Variants in MALRD1 observed in about 807,000 individuals in gnomAD.
MALRD1 encodes MAM and LDL-receptor class A domain-containing protein 1.
Under a neutral mutation model 242.1 loss-of-function variants are expected in MALRD1, and 247 were observed. The observed-to-expected ratio is 1.02, with a 90% CI of 0.92 to 1.13. The LOEUF is 1.13. Among genes scored for constraint, MALRD1 ranks in the 50% most tolerant of loss-of-function variants. The probability of loss-of-function intolerance (pLI) is 0.00; values close to 1 mark genes in which losing one functional copy is unlikely to be tolerated. For synonymous variants in MALRD1, 995 were observed against 866.6 expected, an observed-to-expected ratio of 1.15 and a Z score of -2.60; for missense variants, 2,989 against 2,533.1, an observed-to-expected ratio of 1.18 and a Z score of -3.86.
At chr10:19,265,089 G>A (rs527491528) in intron 19 of MALRD1, among the ~76,000 whole-genome samples, 8 of 151,908 alleles carry the variant, frequency 5.3e-5, no homozygotes, top group Non-Finnish European at 8.8e-5. Context: ...GGCATCAGTT[G>A]TAATGTCTGT....
At position 19,327,616 on chromosome 10, in the gene MALRD1, G is replaced by C; in HGVS notation, c.3630G>C (p.Gln1210His). ...VTSKLWAQTG[Q>H]QGAQWKRAEV... ...CTAAATTGTGGGCTCAAACTGGACAGCAAGGTGCACAGTGGAAGAGAGCAG... is the reference window on the plus strand; with the variant it reads ...CTAAATTGTGGGCTCAAACTGGACACCAAGGTGCACAGTGGAAGAGAGCAG... Residue 1210 changes from glutamine to histidine, a missense_variant, in exon 23 of 40, where the codon CAG becomes CAC. Physicochemically the swap from Gln to His is conservative, Grantham distance 24. Coordinates refer to ENST00000454679, the MANE Select transcript of MALRD1 (RefSeq NM_001142308.3). 2 of 1,549,942 alleles carry C rather than the reference G, an allele frequency of 1.3e-6. No homozygotes were observed. Among genetic ancestry groups the C allele is most frequent in the Non-Finnish European group, 8.7e-7 (1 of 1,146,420 alleles).
intron 33 of MALRD1, among the ~76,000 whole-genome samples, chr10:19,590,306 G>T (rs1002446810): frequency 1.6e-4 from 23 of 146,762 alleles, no homozygotes; most frequent in African/African-American, 5.5e-4. Context: ...TATTATATAT[G>T]TTATATATGT....
chr10:19,626,294 ATTTT>A (rs35740836), intron 36 of MALRD1, among the ~76,000 whole-genome samples: 108 of 134,296 alleles, frequency 8.0e-4, no homozygotes, highest in African/African-American at 2.9e-3. Context: ...TAAAATCAAG[ATTTT>A]TTTTTTTTTT....
At chr10:19,707,212 T>C (rs1222904988) in intron 38 of MALRD1, among the ~76,000 whole-genome samples, 2 of 151,546 alleles carry the variant, frequency 1.3e-5, no homozygotes, top group East Asian at 3.9e-4. Flanking sequence ...CTCCTTCTCC[T>C]CCTTCTTCTT....
At chr10:19,234,566 C>CA (rs1177652307) in intron 18 of MALRD1, among the ~76,000 whole-genome samples, 3 of 151,746 alleles carry the variant, frequency 2.0e-5, no homozygotes, top group Admixed American at 6.6e-5. Flanking sequence ...ACTTAAGCAG[C>CA]AAAAGTGAAC....
At chr10:19,580,000 T>C (rs1235434347) in intron 33 of MALRD1, among the ~76,000 whole-genome samples, 4 of 152,100 alleles carry the variant, frequency 2.6e-5, no homozygotes, top group Non-Finnish European at 5.9e-5. Flanking sequence ...TTGCATATAA[T>C]TGTGGCCACA....
At chr10:19,303,750 A>G (rs1842051360) in intron 21 of MALRD1, among the ~76,000 whole-genome samples, 1 of 151,726 alleles carries the variant, frequency 6.6e-6, no homozygotes, top group Non-Finnish European at 1.5e-5. Context: ...TTTTTAAAAT[A>G]ATCTTCAAAA....
chr10:19,454,422 AT>A (rs1564356577), intron 29 of MALRD1, among the ~76,000 whole-genome samples: 3 of 140,570 alleles, frequency 2.1e-5, no homozygotes, highest in Admixed American at 7.2e-5. Flanking sequence ...ATATATATAT[AT>A]ATATATATAA....
At chr10:19,186,678 C>T (rs1018155478) in intron 14 of MALRD1, among the ~76,000 whole-genome samples, 9 of 151,470 alleles carry the variant, frequency 5.9e-5, no homozygotes, top group South Asian at 2.1e-4. Flanking sequence ...TTTTTTTTTC[C>T]GTGTCATACT....
chr10:19,513,859 A>T (rs942686720), intron 31 of MALRD1, among the ~76,000 whole-genome samples: 3 of 151,316 alleles, frequency 2.0e-5, no homozygotes, highest in Non-Finnish European at 4.4e-5. Flanking sequence ...AATCTGCAAC[A>T]GCATTTTCTT....
At chr10:19,477,459 A>AATAC (rs1038097656) in intron 29 of MALRD1, among the ~76,000 whole-genome samples, 2 of 57,598 alleles carry the variant, frequency 3.5e-5, no homozygotes, top group African/African-American at 1.4e-4. Context: ...AGTAGTTGGA[A>AATAC]ATAAATAAAT....
intron 5 of MALRD1, among the ~76,000 whole-genome samples, chr10:19,122,854 T>G (rs1837113085): frequency 6.6e-6 from 1 of 152,112 alleles, no homozygotes; most frequent in Non-Finnish European, 1.5e-5. Flanking sequence ...GCCTCCCTAG[T>G]AGCTGGGATT....
At chr10:19,414,813 A>C (rs1288876741) in intron 28 of MALRD1, among the ~76,000 whole-genome samples, 2 of 137,840 alleles carry the variant, frequency 1.5e-5, no homozygotes, top group African/African-American at 4.9e-5. Flanking sequence ...AATTTCATGG[A>C]GTTTCTTGCA....
intron 12 of MALRD1, among the ~76,000 whole-genome samples, chr10:19,161,550 C>CAAAAAAAAAAAAAAAAAAAAAAAAAAAA: frequency 1.6e-5 from 1 of 60,838 alleles, no homozygotes; most frequent in African/African-American, 6.8e-5. Context: ...AAAAAAAAAG[C>CAAAAAAAAAAAAAAAAAAAAAAAAAAAA]AAAAAAAAAA....
At chr10:19,531,125 G>A in intron 31 of MALRD1, 69 bp from the exon 32 acceptor site, 1 of 1,322,774 alleles carries the variant, frequency 7.6e-7, no homozygotes, top group Non-Finnish European at 1.0e-6. Flanking sequence ...TCTGTTAATA[G>A]TTTAAACACA....
At chr10:19,504,388 T>G (rs1333775954) in intron 31 of MALRD1, among the ~76,000 whole-genome samples, 1 of 152,136 alleles carries the variant, frequency 6.6e-6, no homozygotes, top group Non-Finnish European at 1.5e-5. Flanking sequence ...AATTTCACTC[T>G]TGATTTGTAT....
At chr10:19,337,141 C>T (rs1400129567) in intron 24 of MALRD1, among the ~76,000 whole-genome samples, 2 of 151,708 alleles carry the variant, frequency 1.3e-5, no homozygotes, top group Non-Finnish European at 2.9e-5. Context: ...CTTTCATATA[C>T]ATATGTGTGT....
At chr10:19,530,448 A>AATAAATATTATATG (rs1554793525) in intron 31 of MALRD1, among the ~76,000 whole-genome samples, 1 of 100,184 alleles carries the variant, frequency 1.0e-5, no homozygotes, top group Non-Finnish European at 2.1e-5. Flanking sequence ...AATATATAAT[A>AATAAATATTATATG]TATAATATAT....
chr10:19,148,819 C>T (rs1260543479), intron 11 of MALRD1, among the ~76,000 whole-genome samples: 3 of 129,580 alleles, frequency 2.3e-5, no homozygotes, highest in South Asian at 2.4e-4. Context: ...ATCTGGATCA[C>T]GGAGTCAACA....
Sources: gnomAD v4.1 joint callset for allele counts (sites outside exome capture counted in the v4.1 genomes callset) on GRCh38, gnomAD v4.1.1 for gene constraint, MANE v1.5 for transcripts, NCBI Gene and HGNC (gene_info 2026-07-23, HGNC 2026-07-21) for gene names.